Variants in TMC5 observed in about 807,000 individuals in gnomAD.
TMC5 encodes the protein transmembrane channel like 5.
In TMC5, 86 loss-of-function variants were observed where a neutral mutation model predicts 110.5. The ratio of observed to expected loss-of-function variants is 0.78; its 90% confidence interval spans 0.65 to 0.93. TMC5 has a LOEUF of 0.93. Among genes scored for constraint, TMC5 ranks in the 40% least tolerant of loss-of-function variants. The pLI is 0.00. For synonymous variants in TMC5, 455 were observed against 439.5 expected (o/e 1.04, Z -0.44); for missense variants, 1,144 against 1,222.8 (o/e 0.94, Z 0.96).
chr16:19,498,532 A>G lies in TMC5; in HGVS notation c.*566A>G, dbSNP rs1027930613. 6.5e-6 allele frequency: 1 copy of G among 153,114 alleles called. No homozygotes were observed. Among genetic ancestry groups the G allele is most frequent in the Non-Finnish European group, 1.5e-5 (1 of 68,892 alleles). 9.5% of individuals were successfully genotyped at this position (153,114 alleles called of 1,614,324 possible). On this transcript the variant is annotated 3_prime_UTR_variant, in exon 22 of 22. Coordinates refer to ENST00000542583, the MANE Select transcript of TMC5 (RefSeq NM_001261841.2). The stretch of plus-strand genomic sequence containing the variant: ...AACTTTCTTGCGTACTGATTACATG[A>G]GTCTTTGGAGTCGGGGATGGAGGAG...
Position 19,498,914 on chromosome 16 carries a change from A to AG in TMC5, c.*949dup, listed in dbSNP as rs1221856026. On this transcript the variant is annotated 3_prime_UTR_variant, in exon 22 of 22. Transcript: ENST00000542583. ...CGTCTCTACTAAAAATAAAAAAACTAGCTGGGCGTGGTGGTACATGCCTAT... is the reference window on the plus strand; with the variant it reads ...CGTCTCTACTAAAAATAAAAAAACTAGGCTGGGCGTGGTGGTACATGCCTAT... 6.6e-6 allele frequency: 1 copy of AG among 152,080 alleles called. No homozygotes were observed. The highest frequency in any genetic ancestry group is 2.4e-5 in the African/African-American group (1 of 41,408). 9.4% of individuals were successfully genotyped at this position (152,080 alleles called of 1,614,324 possible).
Position 19,460,280 on chromosome 16 carries a change from G to T in TMC5, c.1094G>T (p.Arg365Ile). 1 of 1,613,852 alleles carries T rather than the reference G, an allele frequency of 6.2e-7. No individual in the cohort carries two copies. The highest frequency in any genetic ancestry group is 1.1e-5 in the South Asian group (1 of 91,070). The change falls in exon 6 of 22, where the codon AGA becomes ATA. Residue 365 changes from arginine (R) to isoleucine (I), a missense_variant. Arg to Ile is a moderately conservative substitution (Grantham distance 97, BLOSUM62 -3). Transcript: ENST00000542583. ...ASLIPMTSRD[R>I]IKAIRNQPRT... ...CTTATACCCATGACATCCAGAGACA[G>T]AATTAAAGCCATCAGGAACCAGCCA... is the stretch of plus-strand genomic sequence containing the variant.
At chr16:19,417,208 C>A (rs1047113647), upstream of TMC5, among the ~76,000 whole-genome samples, 2 of 151,508 alleles carry the variant, frequency 1.3e-5, no homozygotes, top group African/African-American at 4.9e-5. Flanking sequence ...CACTTGAGCT[C>A]AGGAGTTCAA....
At chr16:19,476,566 G>A (rs759628265) in intron 12 of TMC5, among the ~76,000 whole-genome samples, 3 of 152,182 alleles carry the variant, frequency 2.0e-5, no homozygotes, top group Non-Finnish European at 4.4e-5. Flanking sequence ...GAATTGTAAA[G>A]ACTGAGGGGG....
intron 5 of TMC5, among the ~76,000 whole-genome samples, chr16:19,454,242 C>T (rs867401443): frequency 2.0e-4 from 31 of 152,278 alleles, no homozygotes; most frequent in African/African-American, 6.3e-4. Flanking sequence ...GACAGAGTTT[C>T]ACCATGTTGG....
chr16:19,470,061 A>C (rs1968295820), intron 10 of TMC5, among the ~76,000 whole-genome samples: 1 of 150,896 alleles, frequency 6.6e-6, no homozygotes. Context: ...TGCCCGGCTA[A>C]TTTTTTGTAT....
At chr16:19,428,167 G>C (rs1197891408) in intron 1 of TMC5, among the ~76,000 whole-genome samples, 2 of 152,120 alleles carry the variant, frequency 1.3e-5, no homozygotes, top group Non-Finnish European at 2.9e-5. Flanking sequence ...GATTTGATAG[G>C]CTTCAAACAT....
At chr16:19,445,507 G>T (rs911957036) in intron 4 of TMC5, among the ~76,000 whole-genome samples, 3 of 152,090 alleles carry the variant, frequency 2.0e-5, no homozygotes, top group African/African-American at 7.2e-5. Flanking sequence ...CTCCCAAAGT[G>T]CTGGGATTAC....
At position 19,486,929 on chromosome 16, in the gene TMC5, CCT is replaced by C; in HGVS notation, c.2364-10_2364-9del. Reference sequence around the variant, plus strand: ...GTCTCCGCCAGCCTCTGACACTCACCCTCTCTCCCTCACAGGATTGGCATCTT... The same window carrying C: ...GTCTCCGCCAGCCTCTGACACTCACCCTCTCCCTCACAGGATTGGCATCTT... On this transcript the variant is annotated splice_polypyrimidine_tract_variant and intron_variant, in intron 15 of 21. Transcript: ENST00000542583. 1.2e-6 allele frequency: 2 copies of C among 1,612,444 alleles called. No individual in the cohort carries two copies. Among genetic ancestry groups the C allele is most frequent in the Non-Finnish European group, 1.7e-6 (2 of 1,178,664 alleles).
intron 5 of TMC5, among the ~76,000 whole-genome samples, chr16:19,451,538 ACACT>A (rs1214289765): frequency 6.6e-6 from 1 of 152,142 alleles, no homozygotes; most frequent in African/African-American, 2.4e-5. Context: ...AGAAAAAAAC[ACACT>A]CAGAGTGTTT....
chr16:19,436,354 T>G (rs554697961), intron 2 of TMC5, among the ~76,000 whole-genome samples: 144 of 152,130 alleles, frequency 9.5e-4, no homozygotes, highest in Non-Finnish European at 1.8e-3. Context: ...AATACTCATT[T>G]ATTTTGGGCC....
intron 1 of TMC5, among the ~76,000 whole-genome samples, chr16:19,419,862 G>A: frequency 6.6e-6 from 1 of 152,100 alleles, no homozygotes; most frequent in East Asian, 1.9e-4. Flanking sequence ...TCGGGATGAC[G>A]TGGCAGGAGG....
chr16:19,457,878 C>T (rs1967926603), intron 5 of TMC5, among the ~76,000 whole-genome samples: 2 of 151,610 alleles, frequency 1.3e-5, no homozygotes, highest in African/African-American at 4.8e-5. Context: ...TGCATGTCAC[C>T]ACACCCATCT....
rs1967463031 is a variant in TMC5, at chr16:19,440,597, A to T, written c.559A>T (p.Asn187Tyr). 2 of 1,614,194 alleles carry T rather than the reference A, an allele frequency of 1.2e-6. No homozygotes were observed. The highest frequency in any genetic ancestry group is 1.7e-6 in the Non-Finnish European group (2 of 1,180,030). Residue 187 changes from asparagine (N) to tyrosine (Y), a missense_variant, in exon 3 of 22, where the codon AAT becomes TAT. Coordinates refer to ENST00000542583, the MANE Select transcript of TMC5 (RefSeq NM_001261841.2). ...TTTGAACCATCCAGGATCCAGAAAG[A>T]ATCTGGAACATACAAGTTTTAGAAT... is the stretch of plus-strand genomic sequence containing the variant. ...ANLNHPGSRK[N>Y]LEHTSFRINP...
chr16:19,430,054 C>A (rs187193425), intron 1 of TMC5, among the ~76,000 whole-genome samples: 1 of 152,090 alleles, frequency 6.6e-6, no homozygotes, highest in Non-Finnish European at 1.5e-5. Flanking sequence ...ACGGTATGAA[C>A]AGCATATGCC....
chr16:19,472,285 G>A (rs781111517), intron 11 of TMC5, 42 bp downstream of exon 11: 10 of 1,605,290 alleles, frequency 6.2e-6, no homozygotes, highest in Middle Eastern at 3.9e-4. Context: ...ACCAGGTGAA[G>A]GGATGAGATG....
At chr16:19,488,855 T>C (rs1490778098) in intron 17 of TMC5, among the ~76,000 whole-genome samples, 1 of 152,198 alleles carries the variant, frequency 6.6e-6, no homozygotes, top group Non-Finnish European at 1.5e-5. Context: ...GGAACTTGCT[T>C]AATATGAAGT....
At chr16:19,449,072 C>T (rs1188151453) in intron 4 of TMC5, among the ~76,000 whole-genome samples, 2 of 151,786 alleles carry the variant, frequency 1.3e-5, no homozygotes, top group Non-Finnish European at 2.9e-5. Flanking sequence ...AGGATGGTCT[C>T]GATCTCCTGA....
In TMC5 at chr16:19,497,293, A is replaced by G. The variant is rs115761228; in HGVS notation, c.2974+130A>G. On this transcript the variant is annotated intron_variant, in intron 21 of 21. Coordinates refer to ENST00000542583, the MANE Select transcript of TMC5 (RefSeq NM_001261841.2). The stretch of plus-strand genomic sequence containing the variant: ...AAATTGGATCCAAACTGGCTTAAAC[A>G]AAATTCCAAGAATAATTCTTGCTTT... The G allele has an allele frequency of 5.7e-3, 5,327 of 938,660 alleles. 159 individuals are homozygous for G. In the African/African-American group the frequency reaches 0.072, roughly 13 times the overall value. The allele number at this position is 938,660 out of a possible 1,614,324, so 58.1% of individuals were successfully genotyped here. A position where few individuals can be genotyped will look rare whatever the true frequency, so the allele number is the denominator to read the frequency against.
Sources: allele counts gnomAD v4.1 joint callset (sites outside exome capture counted in the v4.1 genomes callset), GRCh38; gene constraint gnomAD v4.1.1; transcripts MANE v1.5; gene names NCBI Gene and HGNC (gene_info 2026-07-23, HGNC 2026-07-21).